The following PCDH15 variants were observed in gnomAD, a reference collection of about 807,000 sequenced individuals.
PCDH15 encodes the protein protocadherin related 15.
Under a neutral mutation model 178.5 loss-of-function variants are expected in PCDH15, and 129 were observed. The ratio of observed to expected loss-of-function variants is 0.72; its 90% CI spans 0.63 to 0.84. The LOEUF is 0.84. Ranked by LOEUF, PCDH15 falls within the 40% of genes least tolerant of loss-of-function variation. PCDH15 has a pLI of 0.00. For synonymous variants in PCDH15, 800 were observed against 732.0 expected, an observed-to-expected ratio of 1.09 and a Z score of -1.50; for missense variants, 2,230 against 2,099.9, an observed-to-expected ratio of 1.06 and a Z score of -1.21.
chr10:55,052,410 G>A (rs1841186492), intron 2 of PCDH15, among the ~76,000 whole-genome samples: 1 of 150,790 alleles, frequency 6.6e-6, no homozygotes, highest in Non-Finnish European at 1.5e-5. Flanking sequence ...GATTTTAAAA[G>A]TATATGAGGC....
At chr10:55,036,120 T>C (rs2131971727) in intron 2 of PCDH15, among the ~76,000 whole-genome samples, 1 of 152,226 alleles carries the variant, frequency 6.6e-6, no homozygotes, top group South Asian at 2.1e-4. Flanking sequence ...TAATGCCCAT[T>C]ATGAAAGGAC....
rs975881896 is a variant in PCDH15, at chr10:55,609,880, G to T, written c.-156+17745C>A. ...GAAAATAAATATCTGATCATATATT[G>T]TTAACTGTAATACAAAAGCAAGTAG... On this transcript the variant is annotated intron_variant, in intron 2 of 5. Transcript: ENST00000613346. 5.3e-5 allele frequency among the ~76,000 whole-genome samples: 8 copies of T among 151,994 alleles called. No individual in the cohort carries two copies. The East Asian group carries it at 1.3e-3, about 26-fold the overall frequency.
chr10:55,520,175 ACG>A (rs1841130096), intron 2 of PCDH15, among the ~76,000 whole-genome samples: 1 of 78,984 alleles, frequency 1.3e-5, no homozygotes, highest in Non-Finnish European at 2.4e-5. Context: ...ATATATATAC[ACG>A]CAATGTGTAT....
At chr10:53,840,640 G>A (rs2077587335) in intron 28 of PCDH15, 144 bp from the exon 29 acceptor site, 2 of 786,360 alleles carry the variant, frequency 2.5e-6, no homozygotes, top group Middle Eastern at 3.1e-4. Context: ...ATAAACCCTT[G>A]AAAAACATTC....
At chr10:54,342,473 G>C (rs531952524) in intron 6 of PCDH15, among the ~76,000 whole-genome samples, 1 of 152,316 alleles carries the variant, frequency 6.6e-6, no homozygotes, top group South Asian at 2.1e-4. Flanking sequence ...GGTTTCAGAG[G>C]ATGTGTGAAA....
intron 3 of PCDH15, among the ~76,000 whole-genome samples, chr10:54,498,218 G>A (rs2080316595): frequency 6.6e-6 from 1 of 152,092 alleles, no homozygotes; most frequent in African/African-American, 2.4e-5. Context: ...AGCTTCATAA[G>A]TGAAGGATGA....
At chr10:54,270,554 C>A (rs1391111073) in intron 8 of PCDH15, among the ~76,000 whole-genome samples, 5 of 152,154 alleles carry the variant, frequency 3.3e-5, no homozygotes, top group African/African-American at 1.2e-4. Flanking sequence ...TTCAGCGTAT[C>A]CTCATTGTTG....
At chr10:55,124,497 T>C (rs926445863) in intron 2 of PCDH15, among the ~76,000 whole-genome samples, 1 of 152,164 alleles carries the variant, frequency 6.6e-6, no homozygotes, top group African/African-American at 2.4e-5. Context: ...ACAGCATATA[T>C]TGACAGCTAT....
chr10:54,983,880 A>T (rs74136308), intron 2 of PCDH15, among the ~76,000 whole-genome samples: 255 of 152,242 alleles, frequency 1.7e-3, no homozygotes, highest in African/African-American at 5.9e-3. Flanking sequence ...CATTCCCTGT[A>T]AAAACAGAGA....
chr10:54,060,362 A>T (rs2093987634), intron 18 of PCDH15, among the ~76,000 whole-genome samples: 1 of 152,182 alleles, frequency 6.6e-6, no homozygotes, highest in Non-Finnish European at 1.5e-5. Context: ...GAGTGCAACT[A>T]CCGTATTTCG....
intron 11 of PCDH15, among the ~76,000 whole-genome samples, chr10:54,188,930 G>A (rs1444091166): frequency 6.6e-6 from 1 of 151,832 alleles, no homozygotes; most frequent in Non-Finnish European, 1.5e-5. Context: ...ACAAAAAAAT[G>A]TTATCTCCTC....
intron 2 of PCDH15, among the ~76,000 whole-genome samples, chr10:54,589,513 G>T (rs2091739292): frequency 6.6e-6 from 1 of 151,842 alleles, no homozygotes; most frequent in African/African-American, 2.4e-5. Flanking sequence ...TGAACTCTTT[G>T]TTTATTAACT....
At chr10:55,544,184 CAG>C (rs1315374299) in intron 2 of PCDH15, among the ~76,000 whole-genome samples, 1 of 108,618 alleles carries the variant, frequency 9.2e-6, no homozygotes, top group African/African-American at 3.1e-5. Flanking sequence ...ATTATACTGA[CAG>C]TATACATATA....
At chr10:54,861,328 C>T (rs565052603) in intron 3 of PCDH15, among the ~76,000 whole-genome samples, 2 of 152,222 alleles carry the variant, frequency 1.3e-5, no homozygotes, top group East Asian at 3.9e-4. Context: ...TCATCAGGCA[C>T]TACTATGAGT....
At chr10:54,649,513 A>G (rs2094206680) in intron 2 of PCDH15, among the ~76,000 whole-genome samples, 1 of 152,142 alleles carries the variant, frequency 6.6e-6, no homozygotes, top group Non-Finnish European at 1.5e-5. Flanking sequence ...AACATTATCT[A>G]TGCCTAAGCT....
chr10:54,777,507 C>G (rs762954192), intron 1 of PCDH15, among the ~76,000 whole-genome samples: 2 of 152,098 alleles, frequency 1.3e-5, no homozygotes, highest in Non-Finnish European at 2.9e-5. Flanking sequence ...GGATATGAGG[C>G]GCTCTCATCA....
At chr10:54,145,145 T>C (rs986281976) in intron 14 of PCDH15, among the ~76,000 whole-genome samples, 2 of 151,938 alleles carry the variant, frequency 1.3e-5, no homozygotes, top group Non-Finnish European at 2.9e-5. Context: ...AAGAAGAGGG[T>C]TGGAAAATAG....
chr10:55,280,476 A>C (rs1409048008), intron 1 of PCDH15, among the ~76,000 whole-genome samples: 5 of 133,360 alleles, frequency 3.7e-5, no homozygotes, highest in African/African-American at 1.5e-4. Context: ...TTTAGTAGAG[A>C]CAGGGTTTTA....
intron 2 of PCDH15, among the ~76,000 whole-genome samples, chr10:54,958,653 A>AGCTTT (rs967892425): frequency 1.6e-4 from 24 of 151,814 alleles, no homozygotes; most frequent in African/African-American, 5.6e-4. Flanking sequence ...AAAGCTGCCA[A>AGCTTT]GTATAGTACA....
Sources: gnomAD v4.1 joint callset for allele counts (sites outside exome capture counted in the v4.1 genomes callset) on GRCh38, gnomAD v4.1.1 for gene constraint, MANE v1.5 for transcripts, NCBI Gene and HGNC (gene_info 2026-07-23, HGNC 2026-07-21) for gene names.